The following TBC1D5 variants were observed in gnomAD, a reference collection of about 807,000 sequenced individuals.
TBC1D5 encodes TBC1 domain family member 5.
In TBC1D5, 75 loss-of-function variants were observed where a neutral mutation model predicts 100.3. The observed-to-expected ratio is 0.75, with a 90% confidence interval of 0.62 to 0.91. TBC1D5 has a LOEUF of 0.91. Ranked by LOEUF, TBC1D5 falls within the 40% of genes least tolerant of loss-of-function variation. TBC1D5 has a pLI of 0.00. For synonymous variants in TBC1D5, 323 were observed against 325.6 expected, an observed-to-expected ratio of 0.99 and a Z score of 0.09; for missense variants, 910 against 942.4, an observed-to-expected ratio of 0.97 and a Z score of 0.45.
chr3:17,619,899 C>T (rs2062507581), intron 2 of TBC1D5, among the ~76,000 whole-genome samples: 2 of 152,186 alleles, frequency 1.3e-5, no homozygotes, highest in African/African-American at 4.8e-5. Context: ...TGCTCTTATA[C>T]ATATGAAAAG....
At chr3:17,270,470 G>C (rs553559432) in intron 15 of TBC1D5, among the ~76,000 whole-genome samples, 16 of 152,280 alleles carry the variant, frequency 1.1e-4, no homozygotes, top group South Asian at 1.0e-3. Context: ...AAGTAGACAA[G>C]AAGTAGACTT....
chr3:17,493,650 T>A (rs929650888), intron 3 of TBC1D5, among the ~76,000 whole-genome samples: 46 of 152,178 alleles, frequency 3.0e-4, no homozygotes, highest in African/African-American at 1.1e-3. Flanking sequence ...TCTAATCTTG[T>A]CTGCATGCCT....
At chr3:17,270,929 G>A (rs1413895859) in intron 15 of TBC1D5, among the ~76,000 whole-genome samples, 2 of 152,102 alleles carry the variant, frequency 1.3e-5, no homozygotes, top group Non-Finnish European at 2.9e-5. Flanking sequence ...GGCTGCAGGT[G>A]TGTTGTCTTA....
intron 3 of TBC1D5, among the ~76,000 whole-genome samples, chr3:17,505,579 T>A (rs1182102265): frequency 6.6e-6 from 1 of 152,218 alleles, no homozygotes; most frequent in Non-Finnish European, 1.5e-5. Flanking sequence ...CAATCTCTTA[T>A]AAGCTTGTGA....
exon 17 of TBC1D5, chr3:17,238,285 C>T: frequency 6.2e-7 from 1 of 1,614,020 alleles, no homozygotes; most frequent in African/African-American, 1.3e-5. Flanking sequence ...AGAGGAGGAG[C>T]TACTGCTGTT....
chr3:17,312,952 A>G (rs1015301808), intron 13 of TBC1D5, among the ~76,000 whole-genome samples: 1 of 152,122 alleles, frequency 6.6e-6, no homozygotes, highest in African/African-American at 2.4e-5. Flanking sequence ...TCTCTCATAC[A>G]CACATACCTC....
At chr3:17,658,810 GCAC>G (rs1291182875) in intron 1 of TBC1D5, among the ~76,000 whole-genome samples, 6 of 152,128 alleles carry the variant, frequency 3.9e-5, no homozygotes, top group African/African-American at 1.4e-4. Context: ...TTGCAGGCAT[GCAC>G]CACTACACCC....
At chr3:17,566,539 T>C (rs2096595027) in intron 2 of TBC1D5, among the ~76,000 whole-genome samples, 1 of 151,862 alleles carries the variant, frequency 6.6e-6, no homozygotes, top group Non-Finnish European at 1.5e-5. Flanking sequence ...TGATCATCAA[T>C]TTCAAAATAA....
At chr3:17,403,058 T>C in intron 8 of TBC1D5, 123 bp downstream of exon 8, 1 of 688,116 alleles carries the variant, frequency 1.5e-6, no homozygotes, top group Non-Finnish European at 2.3e-6. Flanking sequence ...ACAAGTTTGT[T>C]ATTAACACAA....
intron 2 of TBC1D5, among the ~76,000 whole-genome samples, chr3:17,598,007 C>G (rs375223114): frequency 0.02 from 3,084 of 150,828 alleles, 53 homozygotes; most frequent in Non-Finnish European, 0.034. Context: ...CCTGCCCCCC[C>G]GCCCCCCAAC....
At chr3:17,612,043 C>T (rs187222864) in intron 2 of TBC1D5, among the ~76,000 whole-genome samples, 5 of 152,230 alleles carry the variant, frequency 3.3e-5, no homozygotes, top group Admixed American at 6.5e-5. Flanking sequence ...TGGCTCACCC[C>T]TAATCCTAGC....
At chr3:17,494,878 T>C (rs1230627430) in intron 3 of TBC1D5, among the ~76,000 whole-genome samples, 2 of 152,228 alleles carry the variant, frequency 1.3e-5, no homozygotes, top group Admixed American at 6.5e-5. Flanking sequence ...AGCTCCGTGC[T>C]TGGGACCCAA....
chr3:17,420,095 G>A (rs1226877488), intron 4 of TBC1D5, among the ~76,000 whole-genome samples: 3 of 151,910 alleles, frequency 2.0e-5, no homozygotes, highest in Non-Finnish European at 4.4e-5. Flanking sequence ...CCAAGGGCAG[G>A]GTCTGTGTTT....
At chr3:17,664,158 C>T (rs1242673904) in intron 1 of TBC1D5, among the ~76,000 whole-genome samples, 3 of 152,158 alleles carry the variant, frequency 2.0e-5, no homozygotes, top group African/African-American at 7.2e-5. Flanking sequence ...CAACCACCAC[C>T]TCCCGGGTTC....
chr3:17,356,732 A>C (rs2091246581), intron 13 of TBC1D5, among the ~76,000 whole-genome samples: 1 of 152,212 alleles, frequency 6.6e-6, no homozygotes, highest in Non-Finnish European at 1.5e-5. Context: ...CAAAGAGGCC[A>C]ATCATATGTG....
intron 1 of TBC1D5, among the ~76,000 whole-genome samples, chr3:17,697,855 AC>A (rs1489004682): frequency 6.6e-6 from 1 of 152,162 alleles, no homozygotes; most frequent in African/African-American, 2.4e-5. Context: ...ACTTCAAAAT[AC>A]ACTACAAGGC....
At chr3:17,559,120 C>T (rs1269369317) in intron 2 of TBC1D5, among the ~76,000 whole-genome samples, 2 of 147,350 alleles carry the variant, frequency 1.4e-5, no homozygotes, top group Non-Finnish European at 3.0e-5. Flanking sequence ...ATAAATAAGA[C>T]TTCATTTTTA....
intron 1 of TBC1D5, among the ~76,000 whole-genome samples, chr3:17,643,101 G>A (rs1028236824): frequency 1.3e-5 from 2 of 151,906 alleles, no homozygotes; most frequent in Non-Finnish European, 2.9e-5. Flanking sequence ...TAGTTGTCAT[G>A]TGTCCTTAGC....
At position 17,183,737 on chromosome 3, in the gene TBC1D5, C is replaced by CA. The variant is rs563769776; in HGVS notation, c.1852+1371dup. Among the ~76,000 whole-genome samples the CA allele has an allele frequency of 5.2e-3, 794 of 152,238 alleles. 4 individuals are homozygous for CA. The highest frequency in any genetic ancestry group is 0.01 in the Middle Eastern group (3 of 294). ...CATCTCTCCAAATCTTTTAAGAGAA[C>CA]ATTTATTATTTTACTGAGGCCAGTA... On this transcript the variant is annotated intron_variant, in intron 19 of 21. Coordinates refer to ENST00000253692, the Ensembl canonical transcript of TBC1D5.
Sources: allele counts gnomAD v4.1 joint callset (sites outside exome capture counted in the v4.1 genomes callset), GRCh38; gene constraint gnomAD v4.1.1; transcripts MANE v1.5; gene names NCBI Gene and HGNC (gene_info 2026-07-23, HGNC 2026-07-21).